The following PNPLA1 variants were observed in gnomAD, a reference collection of about 807,000 sequenced individuals.
PNPLA1 encodes omega-hydroxyceramide transacylase.
A neutral mutation model predicts 51.7 loss-of-function variants in PNPLA1; 36 were observed. That is an observed-to-expected ratio of 0.70 (90% CI 0.53 to 0.92). The LOEUF (loss-of-function observed/expected upper bound fraction) is 0.92, where lower values mean the gene tolerates loss of function less well. PNPLA1 is among the 40% of genes least tolerant of loss of function. The pLI is 0.00. For synonymous variants in PNPLA1, 293 were observed against 280.1 expected, an observed-to-expected ratio of 1.05 and a Z score of -0.46; for missense variants, 658 against 682.5, an observed-to-expected ratio of 0.96 and a Z score of 0.40.
chr6:36,280,006 G>A (rs1481986672), intron 1 of PNPLA1, among the ~76,000 whole-genome samples: 3 of 152,098 alleles, frequency 2.0e-5, no homozygotes, highest in Non-Finnish European at 4.4e-5. Context: ...AGGAGATCAA[G>A]ACCATCCTGG....
At chr6:36,259,476 A>G (rs538686243) in intron 1 of PNPLA1, among the ~76,000 whole-genome samples, 1 of 152,280 alleles carries the variant, frequency 6.6e-6, no homozygotes, top group Non-Finnish European at 1.5e-5. Flanking sequence ...CAATCCCACC[A>G]CACAATGGTT....
At chr6:36,268,018 T>A (rs1297943194), upstream of PNPLA1, among the ~76,000 whole-genome samples, 6 of 152,132 alleles carry the variant, frequency 3.9e-5, no homozygotes, top group Non-Finnish European at 8.8e-5. Context: ...CATTAACTTG[T>A]CTTCCTGCAG....
At chr6:36,293,007 G>A (rs1770733778) in intron 2 of PNPLA1, 54 bp from the exon 3 acceptor site, 1 of 1,519,326 alleles carries the variant, frequency 6.6e-7, no homozygotes, top group Non-Finnish European at 9.0e-7. Flanking sequence ...CAGGTGAGCT[G>A]TCCCCACCCC....
At chr6:36,293,155 G>A in intron 3 of PNPLA1, 29 bp downstream of exon 3, 1 of 1,608,334 alleles carries the variant, frequency 6.2e-7, no homozygotes, top group Non-Finnish European at 8.5e-7. Flanking sequence ...TGAGGGGTGA[G>A]ATGGGATCCA....
intron 1 of PNPLA1, among the ~76,000 whole-genome samples, chr6:36,281,668 C>T (rs572709593): frequency 2.6e-5 from 4 of 152,296 alleles, no homozygotes; most frequent in South Asian, 4.1e-4. Flanking sequence ...TTGCAAGCAA[C>T]ATGACAGCTT....
chr6:36,261,880 G>A (rs138262186), intron 1 of PNPLA1, among the ~76,000 whole-genome samples: 1 of 152,294 alleles, frequency 6.6e-6, no homozygotes, highest in African/African-American at 2.4e-5. Flanking sequence ...TAACCCTGGC[G>A]GCACATCTTG....
intron 1 of PNPLA1, among the ~76,000 whole-genome samples, chr6:36,252,554 A>G (rs1015860413): frequency 2.0e-5 from 3 of 152,016 alleles, no homozygotes; most frequent in African/African-American, 7.2e-5. Flanking sequence ...AAAAAAAAAA[A>G]AAAAACCCAG....
intron 1 of PNPLA1, among the ~76,000 whole-genome samples, chr6:36,280,707 C>T (rs1185377415): frequency 6.6e-6 from 1 of 152,170 alleles, no homozygotes. Flanking sequence ...GCTTTCAGTT[C>T]CCTCTTCATT....
intron 1 of PNPLA1, among the ~76,000 whole-genome samples, chr6:36,287,175 G>A (rs1337326794): frequency 4.6e-5 from 7 of 152,162 alleles, no homozygotes; most frequent in Non-Finnish European, 7.4e-5. Flanking sequence ...ATTGCTCTCA[G>A]GTTTTTATAT....
chr6:36,246,796 T>C (rs1769297080), intron 1 of PNPLA1, among the ~76,000 whole-genome samples: 1 of 152,332 alleles, frequency 6.6e-6, no homozygotes, highest in East Asian at 1.9e-4. Context: ...GGCCTGCTTT[T>C]CATGACATAA....
intron 1 of PNPLA1, among the ~76,000 whole-genome samples, chr6:36,247,641 C>T (rs879725199): frequency 2.6e-5 from 4 of 152,058 alleles, no homozygotes; most frequent in Non-Finnish European, 4.4e-5. Context: ...AGAGGGGGGA[C>T]GTTGTGTTGT....
intron 1 of PNPLA1, among the ~76,000 whole-genome samples, chr6:36,285,957 T>C (rs1770475362): frequency 6.6e-6 from 1 of 152,200 alleles, no homozygotes; most frequent in Admixed American, 6.5e-5. Context: ...TTTTGCTCTT[T>C]TGATTCCACA....
At chr6:36,268,361 A>G (rs1769811279), upstream of PNPLA1, among the ~76,000 whole-genome samples, 1 of 152,164 alleles carries the variant, frequency 6.6e-6, no homozygotes, top group Non-Finnish European at 1.5e-5. Flanking sequence ...CCTTTCACAG[A>G]TGAGGAAAAC....
chr6:36,311,446 G>A (rs1194052305), intron 8 of PNPLA1, among the ~76,000 whole-genome samples: 1 of 152,232 alleles, frequency 6.6e-6, no homozygotes, highest in Admixed American at 6.5e-5. Context: ...GTGGTGGAAG[G>A]TAGGTCAGGC....
intron 6 of PNPLA1, among the ~76,000 whole-genome samples, chr6:36,303,989 T>C (rs1771154506): frequency 6.6e-6 from 1 of 152,158 alleles, no homozygotes; most frequent in South Asian, 2.1e-4. Flanking sequence ...ATTTTGAACA[T>C]CGTGGTTTGT....
intron 1 of PNPLA1, among the ~76,000 whole-genome samples, chr6:36,276,372 G>A (rs751238457): frequency 6.6e-6 from 1 of 152,168 alleles, no homozygotes; most frequent in African/African-American, 2.4e-5. Context: ...TGGCAGAGGT[G>A]CAACTTCTGG....
Position 36,258,203 on chromosome 6 carries a change from G to A in PNPLA1, c.-81+14942G>A, listed in dbSNP as rs372904928. 6.5e-4 allele frequency among the ~76,000 whole-genome samples: 99 copies of A among 152,286 alleles called. 1 individual carries two copies. The highest frequency in any genetic ancestry group is 3.4e-3 in the Middle Eastern group (1 of 294). ...CTGTCCTGCACATGTGGGGTTCAGA[G>A]ATTTGAGCAGAGTCTATACACAGAA... On this transcript the variant is annotated intron_variant, in intron 1 of 7. Coordinates refer to the PNPLA1 transcript ENST00000312917.
chr6:36,292,945 T>C (rs1394685793), intron 2 of PNPLA1, 116 bp from the exon 3 acceptor site: 1 of 828,726 alleles, frequency 1.2e-6, no homozygotes, highest in African/African-American at 1.7e-5. Context: ...TGTGGCACCT[T>C]CACCTAGAAT....
chr6:36,260,848 C>T (rs751473080), intron 1 of PNPLA1, among the ~76,000 whole-genome samples: 13 of 152,114 alleles, frequency 8.5e-5, no homozygotes, highest in African/African-American at 1.7e-4. Context: ...GAGGAGGGTG[C>T]GGGCTCTGTC....
Sources: gnomAD v4.1 joint callset for allele counts (sites outside exome capture counted in the v4.1 genomes callset) on GRCh38, gnomAD v4.1.1 for gene constraint, MANE v1.5 for transcripts, NCBI Gene and HGNC (gene_info 2026-07-23, HGNC 2026-07-21) for gene names.